The following CRB1 variants were observed in gnomAD, a reference collection of about 807,000 sequenced individuals.
CRB1 encodes the protein protein crumbs homolog 1.
CRB1 carries 83 observed loss-of-function variants against 120.0 expected under a neutral mutation model. The observed-to-expected ratio is 0.69, with a 90% CI of 0.58 to 0.83. The LOEUF (loss-of-function observed/expected upper bound fraction) is 0.83, where lower values mean the gene tolerates loss of function less well. CRB1 is among the 40% of genes least tolerant of loss of function. The pLI is 0.00. For synonymous variants in CRB1, 625 were observed against 612.5 expected (o/e 1.02, Z -0.30); for missense variants, 1,699 against 1,687.6 (o/e 1.01, Z -0.12).
the CRB1 span, among the ~76,000 whole-genome samples, chr1:197,261,719 CAAT>C: frequency 3.0e-3 from 463 of 152,066 alleles, 3 homozygotes; most frequent in African/African-American, 0.01. Flanking sequence ...GGATTTTTCA[CAAT>C]AATACATTTA....
At position 197,355,052 on chromosome 1, in the gene CRB1, G is replaced by C. The variant is rs1003661277; in HGVS notation, c.989-1779G>C. Among the ~76,000 whole-genome samples the C allele has an allele frequency of 5.9e-5, 9 of 151,672 alleles. No homozygotes were observed. The East Asian group carries it at 9.7e-4, about 16-fold the overall frequency. ...TCTCCAAGTCCCACTAGATTAGCTA[G>C]ATACAGAGTGCCTATTGTTGCATCC... On this transcript the variant is annotated intron_variant, in intron 4 of 11. Transcript: ENST00000367400.
chr1:197,228,907 A>G, the CRB1 span, among the ~76,000 whole-genome samples: 2 of 152,186 alleles, frequency 1.3e-5, no homozygotes, highest in African/African-American at 4.8e-5. Flanking sequence ...AGGAGGTGCA[A>G]AAGCGGAAAC....
At chr1:197,250,224 G>A in the CRB1 span, among the ~76,000 whole-genome samples, 2 of 151,850 alleles carry the variant, frequency 1.3e-5, no homozygotes, top group Non-Finnish European at 2.9e-5. Flanking sequence ...TTATATTGAT[G>A]TGTAGTGTGA....
At chr1:197,250,589 T>A in the CRB1 span, among the ~76,000 whole-genome samples, 1 of 152,000 alleles carries the variant, frequency 6.6e-6, no homozygotes, top group Admixed American at 6.6e-5. Context: ...ACCAGCTCAG[T>A]GATTCAGCAG....
chr1:197,282,642 G>A (rs980639763), intron 1 of CRB1, among the ~76,000 whole-genome samples: 4 of 151,764 alleles, frequency 2.6e-5, no homozygotes, highest in Non-Finnish European at 5.9e-5. Flanking sequence ...AATATTTCCT[G>A]CAGTCTCTTA....
At chr1:197,397,005 A>G (rs1662805951) in intron 5 of CRB1, among the ~76,000 whole-genome samples, 1 of 152,132 alleles carries the variant, frequency 6.6e-6, no homozygotes, top group South Asian at 2.1e-4. Flanking sequence ...AAATAAGAAG[A>G]CAAACCACAG....
chr1:197,263,376 T>C (rs1654557221), upstream of CRB1, among the ~76,000 whole-genome samples: 1 of 152,172 alleles, frequency 6.6e-6, no homozygotes, highest in Non-Finnish European at 1.5e-5. Flanking sequence ...TTAATGGAGT[T>C]GTTTTCTGCT....
At chr1:197,327,014 G>GGTAA in intron 1 of CRB1, among the ~76,000 whole-genome samples, 1 of 146,480 alleles carries the variant, frequency 6.8e-6, no homozygotes, top group Admixed American at 7.0e-5. Context: ...ATCTTATAAA[G>GGTAA]GTAAGAGCTA....
chr1:197,421,942 C>G lies in CRB1; in HGVS notation c.2114C>G (p.Pro705Arg). The G allele has an allele frequency of 6.2e-7, 1 of 1,613,894 alleles. No homozygotes were observed. Among genetic ancestry groups the G allele is most frequent in the Non-Finnish European group, 8.5e-7 (1 of 1,180,014 alleles). Residue 705 changes from proline (P) to arginine (R), a missense_variant, in exon 6 of 12, where the codon CCC (proline) becomes CGC (arginine). Transcript: ENST00000367400. ...GACTGCCACAGGCCCTATGAAGGCC[C>G]CAACTGTCTGAGAGGTGAGAGAAAG... ...QCDCHRPYEG[P>R]NCLREYVAGR...
At chr1:197,364,127 C>T (rs982379370) in intron 5 of CRB1, 38 of 812,322 alleles carry the variant, frequency 4.7e-5, no homozygotes, top group Non-Finnish European at 6.6e-5. Flanking sequence ...GGATGGGACA[C>T]CCAGTATGAA....
intron 5 of CRB1, among the ~76,000 whole-genome samples, chr1:197,394,672 TG>T (rs1288908122): frequency 6.6e-6 from 1 of 152,098 alleles, no homozygotes; most frequent in Non-Finnish European, 1.5e-5. Flanking sequence ...AGATTTATTA[TG>T]TTTTTTGCCA....
intron 5 of CRB1, among the ~76,000 whole-genome samples, chr1:197,384,029 G>A (rs1174585277): frequency 6.6e-6 from 1 of 152,152 alleles, no homozygotes; most frequent in Non-Finnish European, 1.5e-5. Context: ...CTTGGATATG[G>A]TTTATTCAGC....
chr1:197,244,725 C>G, the CRB1 span, among the ~76,000 whole-genome samples: 2 of 151,984 alleles, frequency 1.3e-5, no homozygotes, highest in South Asian at 4.2e-4. Flanking sequence ...ATGCTTCCAG[C>G]CATTATTTCT....
chr1:197,249,152 C>G, the CRB1 span, among the ~76,000 whole-genome samples: 1 of 151,852 alleles, frequency 6.6e-6, no homozygotes, highest in Non-Finnish European at 1.5e-5. Context: ...TCATTTTTCA[C>G]ATTGCTTTTT....
chr1:197,453,809 A>C (rs1044862857), intron 11 of CRB1, among the ~76,000 whole-genome samples: 1 of 142,964 alleles, frequency 7.0e-6, no homozygotes, highest in African/African-American at 2.6e-5. Context: ...TAATAATAAT[A>C]TATTGTTAAT....
At chr1:197,317,255 T>C (rs772629689) in intron 1 of CRB1, among the ~76,000 whole-genome samples, 4 of 151,970 alleles carry the variant, frequency 2.6e-5, no homozygotes, top group Non-Finnish European at 5.9e-5. Flanking sequence ...CCATCTCTAC[T>C]AAAAATACAA....
At chr1:197,453,352 AAATT>A (rs1666065357) in intron 11 of CRB1, among the ~76,000 whole-genome samples, 1 of 147,498 alleles carries the variant, frequency 6.8e-6, no homozygotes, top group Non-Finnish European at 1.5e-5. Flanking sequence ...TAGTATAATT[AAATT>A]AATATACATA....
At chr1:197,396,729 A>G (rs1005785729) in intron 5 of CRB1, among the ~76,000 whole-genome samples, 3 of 152,208 alleles carry the variant, frequency 2.0e-5, no homozygotes, top group African/African-American at 4.8e-5. Context: ...AGTCCTCTCA[A>G]CAAACAAAGC....
chr1:197,341,247 A>G (rs1352840094), intron 2 of CRB1, among the ~76,000 whole-genome samples: 2 of 152,208 alleles, frequency 1.3e-5, no homozygotes, highest in African/African-American at 4.8e-5. Context: ...AGACGGTATC[A>G]GGAGGATGAT....
Sources: allele counts gnomAD v4.1 joint callset (sites outside exome capture counted in the v4.1 genomes callset), GRCh38; gene constraint gnomAD v4.1.1; transcripts MANE v1.5; gene names NCBI Gene and HGNC (gene_info 2026-07-23, HGNC 2026-07-21).